DDX10: variants seen among roughly 807,000 people sequenced by gnomAD.
The protein encoded by DDX10 is DEAD-box helicase 10.
Under a neutral mutation model 104.3 loss-of-function variants are expected in DDX10, and 74 were observed. The ratio of observed to expected loss-of-function variants is 0.71; its 90% CI spans 0.59 to 0.86. The LOEUF (loss-of-function observed/expected upper bound fraction) is 0.86. Among genes scored for constraint, DDX10 ranks in the 40% least tolerant of loss-of-function variants. DDX10 has a pLI of 0.00. For missense variants in DDX10, 952 were observed against 1,040.0 expected, an observed-to-expected ratio of 0.92 and a Z score of 1.16; for synonymous variants, 351 against 353.4, an observed-to-expected ratio of 0.99 and a Z score of 0.08.
At chr11:108,675,066 T>A (rs925106507) in intron 2 of DDX10, among the ~76,000 whole-genome samples, 2 of 151,728 alleles carry the variant, frequency 1.3e-5, no homozygotes, top group African/African-American at 4.9e-5. Flanking sequence ...ATTTCCTTTT[T>A]AAAGGCTGAG....
At chr11:108,896,331 T>G (rs1863440601) in intron 16 of DDX10, among the ~76,000 whole-genome samples, 1 of 147,168 alleles carries the variant, frequency 6.8e-6, no homozygotes, top group African/African-American at 2.5e-5. Context: ...TGGTGATTTT[T>G]TTAAAGCATT....
At chr11:108,868,350 TGAG>T (rs1863034521) in intron 16 of DDX10, 3 of 150,336 alleles carry the variant, frequency 2.0e-5, no homozygotes. Context: ...TGTGGAAGAG[TGAG>T]GAGTTCAGTG....
intron 16 of DDX10, among the ~76,000 whole-genome samples, chr11:108,911,553 CTTCTTTTTTTTTT>C (rs1209260668): frequency 2.8e-4 from 33 of 117,246 alleles, no homozygotes; most frequent in Non-Finnish European, 4.1e-4. Context: ...TTTGCCTCCT[CTTCTTTTTTTTTT>C]TTTTTTTTTT....
intron 10 of DDX10, 81 bp downstream of exon 10, chr11:108,706,918 C>A: frequency 8.7e-7 from 1 of 1,154,350 alleles, no homozygotes; most frequent in Non-Finnish European, 1.3e-6. Flanking sequence ...ACCTAATTTG[C>A]CCCTTCCCCT....
chr11:108,737,409 C>T (rs1327929419), intron 13 of DDX10, among the ~76,000 whole-genome samples: 9 of 152,122 alleles, frequency 5.9e-5, no homozygotes, highest in Admixed American at 1.3e-4. Flanking sequence ...AGGTGACAGA[C>T]GGTCTTGATA....
chr11:108,717,463 C>T (rs1591799752), intron 11 of DDX10, among the ~76,000 whole-genome samples: 3 of 152,224 alleles, frequency 2.0e-5, no homozygotes, highest in Middle Eastern at 6.8e-3. Context: ...GCATGCGCCA[C>T]CACACCCGGC....
At chr11:108,770,126 TTTTA>T (rs1399410419) in intron 13 of DDX10, among the ~76,000 whole-genome samples, 4 of 152,094 alleles carry the variant, frequency 2.6e-5, no homozygotes, top group Admixed American at 2.0e-4. Flanking sequence ...GGAGGAGTGT[TTTTA>T]TTTATTTATT....
chr11:108,737,740 C>T (rs539758085), intron 13 of DDX10, among the ~76,000 whole-genome samples: 2 of 152,170 alleles, frequency 1.3e-5, no homozygotes, highest in Non-Finnish European at 2.9e-5. Context: ...TCTATTCTCT[C>T]TCCACCTCTT....
intron 13 of DDX10, among the ~76,000 whole-genome samples, chr11:108,805,346 AT>A (rs1340654667): frequency 6.6e-6 from 1 of 152,268 alleles, no homozygotes; most frequent in Non-Finnish European, 1.5e-5. Context: ...CTTCACCACT[AT>A]TCATTAAGAT....
intron 15 of DDX10, among the ~76,000 whole-genome samples, chr11:108,845,481 C>CA (rs1862703828): frequency 6.6e-6 from 1 of 152,104 alleles, no homozygotes; most frequent in South Asian, 2.1e-4. Context: ...TTGAGGCTGT[C>CA]ACTCATAATT....
chr11:108,766,262 A>G (rs1436996611), intron 13 of DDX10, among the ~76,000 whole-genome samples: 1 of 152,186 alleles, frequency 6.6e-6, no homozygotes, highest in East Asian at 1.9e-4. Context: ...TATACAATTC[A>G]TTTTGTATCG....
intron 13 of DDX10, among the ~76,000 whole-genome samples, chr11:108,830,360 G>A (rs1862451806): frequency 6.6e-6 from 1 of 152,082 alleles, no homozygotes; most frequent in Admixed American, 6.5e-5. Flanking sequence ...TTCTCAGCTT[G>A]GTCACTGTTG....
At chr11:108,667,195 C>G (rs945202523) in intron 1 of DDX10, among the ~76,000 whole-genome samples, 2 of 152,140 alleles carry the variant, frequency 1.3e-5, no homozygotes, top group Admixed American at 6.5e-5. Context: ...CTCAATTGTT[C>G]CCTTGTAATA....
chr11:108,865,314 T>C (rs922072764), intron 16 of DDX10, among the ~76,000 whole-genome samples: 1 of 152,192 alleles, frequency 6.6e-6, no homozygotes, highest in Non-Finnish European at 1.5e-5. Context: ...TGTCCAGGAC[T>C]ATATATCCTG....
At chr11:108,700,143 T>C (rs2134456054) in intron 9 of DDX10, among the ~76,000 whole-genome samples, 1 of 152,292 alleles carries the variant, frequency 6.6e-6, no homozygotes, top group East Asian at 1.9e-4. Context: ...ATCACTTTTA[T>C]TGGGGTGGAG....
chr11:108,773,434 G>A (rs952722974), intron 13 of DDX10, among the ~76,000 whole-genome samples: 3 of 152,110 alleles, frequency 2.0e-5, no homozygotes, highest in Admixed American at 2.0e-4. Context: ...AACTGCCATG[G>A]TTCTCTCTTG....
intron 13 of DDX10, among the ~76,000 whole-genome samples, chr11:108,779,605 A>G (rs989610525): frequency 3.9e-5 from 6 of 152,224 alleles, no homozygotes; most frequent in African/African-American, 1.4e-4. Context: ...CCAACGTGGC[A>G]CATGTATACA....
At chr11:108,918,165 G>T (rs371791051) in intron 17 of DDX10, 147 bp downstream of exon 17, 18 of 786,064 alleles carry the variant, frequency 2.3e-5, no homozygotes, top group East Asian at 7.8e-5. Flanking sequence ...TGGAAATCCT[G>T]CTGCTGTTTT....
intron 16 of DDX10, among the ~76,000 whole-genome samples, chr11:108,884,078 C>T (rs1458907546): frequency 6.6e-6 from 1 of 152,302 alleles, no homozygotes; most frequent in South Asian, 2.1e-4. Context: ...ATTTCTATCT[C>T]TAGCTGTGAC....
Sources: allele counts gnomAD v4.1 joint callset (sites outside exome capture counted in the v4.1 genomes callset), GRCh38; gene constraint gnomAD v4.1.1; transcripts MANE v1.5; gene names NCBI Gene and HGNC (gene_info 2026-07-23, HGNC 2026-07-21).